MYSM1: variants seen among roughly 807,000 people sequenced by gnomAD.
MYSM1 encodes Myb like, SWIRM and MPN domains 1.
MYSM1 carries 51 observed loss-of-function variants against 116.0 expected under a neutral mutation model. The observed-to-expected ratio is 0.44, with a 90% CI of 0.35 to 0.56. MYSM1 has a LOEUF of 0.56. MYSM1 is among the 20% of genes least tolerant of loss of function. MYSM1 has a pLI of 0.00. For synonymous variants in MYSM1, 313 were observed against 315.2 expected, an observed-to-expected ratio of 0.99 and a Z score of 0.07; for missense variants, 900 against 974.9, an observed-to-expected ratio of 0.92 and a Z score of 1.02.
At chr1:58,660,306 T>C (rs1253259191) in intron 19 of MYSM1, 151 bp from the exon 20 acceptor site, 1 of 483,708 alleles carries the variant, frequency 2.1e-6, no homozygotes, top group Non-Finnish European at 3.5e-6. Context: ...TAACTTGTGT[T>C]TAATAGTCAC....
chr1:58,687,532 AT>A (rs1310117829), intron 6 of MYSM1, among the ~76,000 whole-genome samples: 1 of 152,230 alleles, frequency 6.6e-6, no homozygotes, highest in Non-Finnish European at 1.5e-5. Context: ...AAACTGCACC[AT>A]GTTGTAAGCT....
chr1:58,675,474 T>C lies in MYSM1; in HGVS notation c.1494+3A>G. On this transcript the variant is annotated splice_donor_region_variant and intron_variant, in intron 10 of 19. Transcript: ENST00000472487. ...GAGATCACTGAGAGAGATGACTGCT[T>C]ACCATAGACTGCAGACGCTGGGCAA... 2 of 1,604,370 alleles carry C rather than the reference T, an allele frequency of 1.2e-6. No individual in the cohort carries two copies. The highest frequency in any genetic ancestry group is 1.7e-6 in the Non-Finnish European group (2 of 1,172,992).
Position 58,665,596 on chromosome 1 carries a change from C to T in MYSM1, c.2067G>A (p.Gly689=), listed in dbSNP as rs776767516. 8.2e-6 allele frequency: 13 copies of T among 1,580,414 alleles called. No homozygotes were observed. The highest frequency in any genetic ancestry group is 1.0e-5 in the Non-Finnish European group (12 of 1,150,976). The change falls in exon 17 of 20, where the codon GGG becomes GGA. Residue 689 remains glycine (G), a synonymous_variant. Coordinates refer to ENST00000472487, the MANE Select transcript of MYSM1 (RefSeq NM_001085487.3). Reference sequence around the variant, plus strand: ...TTCGATTATAGGGACTAACAATCATCCCAATGAACTTTGCACCTCCTCTGG... The same window carrying T: ...TTCGATTATAGGGACTAACAATCATTCCAATGAACTTTGCACCTCCTCTGG... ...YFSRGGAKFI[G]MIVSPYNRNN...
chr1:58,671,759 AT>A (rs916270279), intron 12 of MYSM1, 110 bp downstream of exon 12: 61 of 762,178 alleles, frequency 8.0e-5, no homozygotes, highest in Non-Finnish European at 1.1e-4. Context: ...TTGTAGCAGT[AT>A]TTTTTTAAAC....
chr1:58,699,487 T>C (rs1298715147), intron 1 of MYSM1: 2 of 304,186 alleles, frequency 6.6e-6, no homozygotes, highest in Non-Finnish European at 9.6e-6. Context: ...CCCAGAACTG[T>C]CCAACTCTAA....
chr1:58,665,934 G>A (rs1644462565), intron 16 of MYSM1, among the ~76,000 whole-genome samples: 2 of 152,110 alleles, frequency 1.3e-5, no homozygotes, highest in African/African-American at 4.8e-5. Context: ...GCACGTGCCT[G>A]TAACCCCAGC....
At chr1:58,672,144 G>C (rs1311152087) in intron 11 of MYSM1, among the ~76,000 whole-genome samples, 186 bp from the exon 12 acceptor site, 1 of 152,138 alleles carries the variant, frequency 6.6e-6, no homozygotes, top group Non-Finnish European at 1.5e-5. Flanking sequence ...TGTTTCAAAA[G>C]ACACGGCCAT....
intron 16 of MYSM1, among the ~76,000 whole-genome samples, chr1:58,666,304 A>G (rs778172815): frequency 6.6e-6 from 1 of 152,198 alleles, no homozygotes; most frequent in Non-Finnish European, 1.5e-5. Context: ...ACCCAGTCAC[A>G]TATCAAGTGT....
chr1:58,672,885 TA>T (rs1276631759), intron 11 of MYSM1, among the ~76,000 whole-genome samples: 1 of 152,204 alleles, frequency 6.6e-6, no homozygotes, highest in Non-Finnish European at 1.5e-5. Context: ...GATGAATTAC[TA>T]ATTACTGTGC....
Position 58,689,033 on chromosome 1 carries a change from T to C in MYSM1, c.399+5A>G. On this transcript the variant is annotated splice_donor_5th_base_variant and intron_variant, in intron 6 of 19. Transcript: ENST00000472487. The stretch of plus-strand genomic sequence containing the variant: ...TTACTAAAAATTTAAAATTGCTCTA[T>C]TTACCAGCCCTTGTTCAAACAGCTC... 1 of 1,600,374 alleles carries C rather than the reference T, an allele frequency of 6.2e-7. No individual in the cohort carries two copies. The highest frequency in any genetic ancestry group is 1.1e-5 in the South Asian group (1 of 87,444).
chr1:58,685,187 A>C lies in MYSM1; in HGVS notation c.464T>G (p.Val155Gly). 6.8e-6 allele frequency: 11 copies of C among 1,607,562 alleles called. No homozygotes were observed. Among genetic ancestry groups the C allele is most frequent in the Non-Finnish European group, 9.3e-6 (11 of 1,177,960 alleles). ...AAAATACTGTCTTGCATAACTCTTCACTTGTAAAACAGTGCGGCTTCCAAT... is the reference window on the plus strand; with the variant it reads ...AAAATACTGTCTTGCATAACTCTTCCCTTGTAAAACAGTGCGGCTTCCAAT... Reference protein sequence around the residue: ...KLIGSRTVLQVKSYARQYFKN... With the variant: ...KLIGSRTVLQGKSYARQYFKN... The change falls in exon 7 of 20, where the codon GTG becomes GGG. Residue 155 changes from valine to glycine, a missense_variant. Physicochemically the swap from Val to Gly is moderately radical, Grantham distance 109. Transcript: ENST00000472487.
chr1:58,696,472 G>A (rs770584604), intron 1 of MYSM1, among the ~76,000 whole-genome samples: 6 of 152,024 alleles, frequency 3.9e-5, no homozygotes, highest in South Asian at 4.2e-4. Context: ...CACCATCTCC[G>A]TAGTTATCCA....
At chr1:58,663,491 T>A (rs1450094207) in intron 17 of MYSM1, among the ~76,000 whole-genome samples, 1 of 152,224 alleles carries the variant, frequency 6.6e-6, no homozygotes, top group East Asian at 1.9e-4. Context: ...CCATGGCTTC[T>A]AGAAAACCTT....
At chr1:58,689,510 A>G (rs1423596560) in intron 5 of MYSM1, 1 of 156,290 alleles carries the variant, frequency 6.4e-6, no homozygotes, top group Admixed American at 6.5e-5. Flanking sequence ...CTATCTCTTT[A>G]GTTCTTTCAT....
At chr1:58,676,828 A>G (rs1644660008) in intron 9 of MYSM1, 98 bp downstream of exon 9, 1 of 1,263,558 alleles carries the variant, frequency 7.9e-7, no homozygotes, top group African/African-American at 1.5e-5. Context: ...AATTCTATAT[A>G]CCTATAACTA....
intron 6 of MYSM1, among the ~76,000 whole-genome samples, chr1:58,687,246 G>A (rs1644839852): frequency 6.6e-6 from 1 of 151,936 alleles, no homozygotes; most frequent in South Asian, 2.1e-4. Context: ...AATAGACAGA[G>A]GTCTACATAT....
chr1:58,698,162 G>A (rs1351188175), intron 1 of MYSM1, among the ~76,000 whole-genome samples: 2 of 131,428 alleles, frequency 1.5e-5, no homozygotes, highest in Non-Finnish European at 1.6e-5. Context: ...GTGCGGTGGC[G>A]TGATCTCCGC....
At chr1:58,673,194 AT>A (rs1349207329) in intron 11 of MYSM1, among the ~76,000 whole-genome samples, 1 of 147,796 alleles carries the variant, frequency 6.8e-6, no homozygotes, top group Non-Finnish European at 1.5e-5. Context: ...GTTACAAAAA[AT>A]ATATATATTT....
intron 5 of MYSM1, among the ~76,000 whole-genome samples, chr1:58,689,979 T>C (rs1269177528): frequency 1.3e-5 from 2 of 152,134 alleles, no homozygotes; most frequent in African/African-American, 4.8e-5. Context: ...CATAAACCCC[T>C]GGACAACCAT....
Sources: allele counts gnomAD v4.1 joint callset (sites outside exome capture counted in the v4.1 genomes callset), GRCh38; gene constraint gnomAD v4.1.1; transcripts MANE v1.5; gene names NCBI Gene and HGNC (gene_info 2026-07-23, HGNC 2026-07-21).